STAT5B: variants seen among roughly 807,000 people sequenced by gnomAD.
STAT5B encodes the protein transcription factor STAT5B.
STAT5B carries 21 observed loss-of-function variants against 107.8 expected under a neutral mutation model. The observed-to-expected ratio is 0.19, with a 90% CI of 0.14 to 0.28. STAT5B has a LOEUF of 0.28. STAT5B is among the 10% of genes least tolerant of loss of function. STAT5B has a pLI of 1.00. For missense variants in STAT5B, 565 were observed against 1,008.2 expected (o/e 0.56, Z 5.95); for synonymous variants, 325 against 401.7 (o/e 0.81, Z 2.28).
At chr17:42,245,961 T>C (rs1475861452) in intron 1 of STAT5B, among the ~76,000 whole-genome samples, 1 of 152,162 alleles carries the variant, frequency 6.6e-6, no homozygotes, top group African/African-American at 2.4e-5. Context: ...ACCTGGCCTG[T>C]AGACACATTT....
chr17:42,202,878 A>C, intron 16 of STAT5B, 70 bp from the exon 17 acceptor site: 1 of 1,586,820 alleles, frequency 6.3e-7, no homozygotes, highest in East Asian at 2.2e-5. Flanking sequence ...CTTATGAATC[A>C]CATCTTTTCT....
At chr17:42,217,509 C>G (rs777433966) in intron 9 of STAT5B, 45 bp from the exon 10 acceptor site, 2 of 1,605,556 alleles carry the variant, frequency 1.2e-6, no homozygotes, top group Admixed American at 3.3e-5. Flanking sequence ...GCCAGGGTCT[C>G]AGGACATGCG....
intron 1 of STAT5B, among the ~76,000 whole-genome samples, chr17:42,256,991 A>AAT (rs969636148): frequency 7.2e-5 from 11 of 152,062 alleles, no homozygotes; most frequent in Admixed American, 1.3e-4. Flanking sequence ...AGGAAAAAAC[A>AAT]ATATATATAT....
At chr17:42,228,349 A>T (rs902359151) in intron 2 of STAT5B, among the ~76,000 whole-genome samples, 1 of 152,198 alleles carries the variant, frequency 6.6e-6, no homozygotes, top group African/African-American at 2.4e-5. Context: ...CAAGCTACTG[A>T]ACTGGTGACG....
chr17:42,221,599 T>C (rs1462850812), intron 5 of STAT5B, among the ~76,000 whole-genome samples: 1 of 152,158 alleles, frequency 6.6e-6, no homozygotes, highest in Non-Finnish European at 1.5e-5. Flanking sequence ...GTCTAAGGAC[T>C]TGGGTAGGAA....
the STAT5B span, among the ~76,000 whole-genome samples, chr17:42,287,036 GC>G: frequency 6.6e-6 from 1 of 152,066 alleles, no homozygotes; most frequent in Non-Finnish European, 1.5e-5. Context: ...CCTCCCTGGG[GC>G]CCCCTGCAGA....
chr17:42,206,929 T>G (rs1287406240), intron 16 of STAT5B, among the ~76,000 whole-genome samples: 6 of 143,290 alleles, frequency 4.2e-5, no homozygotes, highest in East Asian at 2.0e-4. Context: ...CAGGCTGGAG[T>G]GTGGTGGCGT....
chr17:42,272,923 CTT>C (rs921606338), intron 1 of STAT5B, among the ~76,000 whole-genome samples: 2 of 152,190 alleles, frequency 1.3e-5, no homozygotes, highest in African/African-American at 4.8e-5. Context: ...TTGCTCTTCT[CTT>C]TTGATTAGTA....
chr17:42,262,080 T>C (rs1482311415), intron 1 of STAT5B, among the ~76,000 whole-genome samples: 3 of 152,244 alleles, frequency 2.0e-5, no homozygotes, highest in African/African-American at 7.2e-5. Context: ...TTTAAGGTTG[T>C]AATTTTATTT....
intron 3 of STAT5B, among the ~76,000 whole-genome samples, chr17:42,226,204 G>A (rs910777790): frequency 6.6e-6 from 1 of 151,978 alleles, no homozygotes; most frequent in African/African-American, 2.4e-5. Flanking sequence ...CAAAGTGCTG[G>A]GATTACTGGT....
Position 42,235,964 on chromosome 17 carries a change from T to C in STAT5B, c.-10-3827A>G, listed in dbSNP as rs140240283. ...AAATACTGTGGTGATATACTATGCA[T>C]GTAGGGGTATTAAAAAATGTCACTC... On this transcript the variant is annotated intron_variant, in intron 1 of 18. Coordinates refer to ENST00000293328, the MANE Select transcript of STAT5B (RefSeq NM_012448.4). Among the ~76,000 whole-genome samples, 169 of 152,330 alleles carry C rather than the reference T, an allele frequency of 1.1e-3. 1 individual carries two copies. Among genetic ancestry groups the C allele is most frequent in the African/African-American group, 3.8e-3 (157 of 41,570 alleles).
intron 2 of STAT5B, 68 bp from the exon 3 acceptor site, chr17:42,227,753 C>T: frequency 6.6e-7 from 1 of 1,518,904 alleles, no homozygotes; most frequent in Non-Finnish European, 9.0e-7. Context: ...ACAGCCTCAA[C>T]ACATCCTACT....
chr17:42,239,015 C>G (rs1239317297), intron 1 of STAT5B, among the ~76,000 whole-genome samples: 1 of 150,740 alleles, frequency 6.6e-6, no homozygotes, highest in Non-Finnish European at 1.5e-5. Context: ...TCTGGGAGGC[C>G]GAGGTGGGTG....
At position 42,224,695 on chromosome 17, in the gene STAT5B, G is replaced by A. The variant is rs1409700166; in HGVS notation, c.375+84C>T. 4 of 1,358,748 alleles carry A rather than the reference G, an allele frequency of 2.9e-6. No individual in the cohort carries two copies. The African/African-American group carries it at 5.8e-5, about 20-fold the overall frequency. 84.2% of individuals were successfully genotyped at this position (1,358,748 alleles called of 1,614,324 possible). ...AAGAGACACCAATAGTGCACCCTGA[G>A]TCACCTTGACAAAGGTGGGTCCAGA... On this transcript the variant is annotated intron_variant, in intron 4 of 18. Coordinates refer to ENST00000293328, the MANE Select transcript of STAT5B (RefSeq NM_012448.4).
chr17:42,217,118 C>A (rs747253630), intron 11 of STAT5B, 42 bp downstream of exon 11: 1 of 1,591,818 alleles, frequency 6.3e-7, no homozygotes, highest in South Asian at 1.1e-5. Flanking sequence ...ACACCACACA[C>A]ACACACGCAC....
intron 1 of STAT5B, among the ~76,000 whole-genome samples, chr17:42,267,958 CAAA>C (rs776320350): frequency 3.5e-5 from 2 of 57,268 alleles, no homozygotes; most frequent in Admixed American, 1.9e-4. Context: ...GACTCCATCT[CAAA>C]AAAAAAAAAA....
chr17:42,234,297 T>C (rs1036933706), intron 1 of STAT5B: 8 of 152,206 alleles, frequency 5.3e-5, no homozygotes, highest in South Asian at 2.1e-4. Flanking sequence ...TGCAATGCTA[T>C]AGAACACTTG....
rs1598291421 is a variant in STAT5B at position 42,201,553 on chromosome 17, C to A, written c.*185G>T. ...ACACACACACACACACACACACACA[C>A]AAACACATACTCGCACTCCCTTCGC... On this transcript the variant is annotated 3_prime_UTR_variant, in exon 19 of 19. Coordinates refer to ENST00000293328, the MANE Select transcript of STAT5B (RefSeq NM_012448.4). 6.0e-6 allele frequency: 4 copies of A among 667,264 alleles called. No individual in the cohort carries two copies. Among genetic ancestry groups the A allele is most frequent in the South Asian group, 3.3e-5 (2 of 60,546 alleles). The allele number at this position is 667,264 out of a possible 1,614,324, so 41.3% of individuals were successfully genotyped here. A position where few individuals can be genotyped will look rare whatever the true frequency, so the allele number is the denominator to read the frequency against.
At chr17:42,216,986 A>G (rs2080177243) in intron 11 of STAT5B, among the ~76,000 whole-genome samples, 174 bp downstream of exon 11, 1 of 152,044 alleles carries the variant, frequency 6.6e-6, no homozygotes, top group African/African-American at 2.4e-5. Flanking sequence ...GCCTCTGTTC[A>G]TGTCTTAAGA....
Sources: allele counts gnomAD v4.1 joint callset (sites outside exome capture counted in the v4.1 genomes callset), GRCh38; gene constraint gnomAD v4.1.1; transcripts MANE v1.5; gene names NCBI Gene and HGNC (gene_info 2026-07-23, HGNC 2026-07-21).